The following KIF6 variants were observed in gnomAD, a reference collection of about 807,000 sequenced individuals.
KIF6 encodes the protein kinesin-like protein KIF6.
Under a neutral mutation model 112.7 loss-of-function variants are expected in KIF6, and 106 were observed. That is an observed-to-expected ratio of 0.94 (90% CI 0.80 to 1.11). The LOEUF (loss-of-function observed/expected upper bound fraction) is 1.11. KIF6 is among the 50% of genes least tolerant of loss of function. The pLI, the probability that KIF6 is intolerant of heterozygous loss-of-function variation, is 0.00. For missense variants in KIF6, 929 were observed against 964.0 expected, an observed-to-expected ratio of 0.96 and a Z score of 0.48; for synonymous variants, 339 against 339.9, an observed-to-expected ratio of 1.00 and a Z score of 0.03.
At chr6:39,421,153 G>C (rs749508098) in intron 14 of KIF6, among the ~76,000 whole-genome samples, 1 of 152,242 alleles carries the variant, frequency 6.6e-6, no homozygotes, top group South Asian at 2.1e-4. Flanking sequence ...CCTTGGCGGG[G>C]CTAGTCATGC....
chr6:39,523,631 C>T (rs1213247358), intron 13 of KIF6, among the ~76,000 whole-genome samples: 3 of 122,512 alleles, frequency 2.4e-5, no homozygotes, highest in Non-Finnish European at 5.0e-5. Context: ...ACTTCCCTCC[C>T]CTATTAATTC....
At chr6:39,570,259 A>T (rs968474668) in intron 10 of KIF6, among the ~76,000 whole-genome samples, 2 of 152,234 alleles carry the variant, frequency 1.3e-5, no homozygotes, top group Non-Finnish European at 2.9e-5. Flanking sequence ...GCAACAGTAC[A>T]GCTTGGAGAG....
intron 13 of KIF6, among the ~76,000 whole-genome samples, chr6:39,526,886 G>C (rs1777769918): frequency 6.6e-6 from 1 of 152,160 alleles, no homozygotes; most frequent in Admixed American, 6.5e-5. Context: ...ATGGATCATG[G>C]GTGATTTCAA....
chr6:39,440,161 T>G (rs1581861503), intron 13 of KIF6, among the ~76,000 whole-genome samples: 1 of 148,764 alleles, frequency 6.7e-6, no homozygotes. Flanking sequence ...GAGATGGGGG[T>G]TTGGAACACA....
At chr6:39,594,334 C>T (rs962244912) in intron 7 of KIF6, among the ~76,000 whole-genome samples, 1 of 152,134 alleles carries the variant, frequency 6.6e-6, no homozygotes, top group African/African-American at 2.4e-5. Flanking sequence ...TTAAAACAGA[C>T]AGTGCTACCA....
chr6:39,605,053 G>T (rs1782810203), intron 6 of KIF6, among the ~76,000 whole-genome samples: 1 of 152,048 alleles, frequency 6.6e-6, no homozygotes, highest in Non-Finnish European at 1.5e-5. Context: ...AATTTTGCCT[G>T]TATCTTTAAT....
At chr6:39,336,587 T>G (rs756712830) in intron 22 of KIF6, 39 bp from the exon 23 acceptor site, 8 of 1,606,654 alleles carry the variant, frequency 5.0e-6, no homozygotes, top group African/African-American at 4.0e-5. Flanking sequence ...AGGCTGTGCA[T>G]GCAGACACTG....
In KIF6 at chr6:39,357,296, G is replaced by A. The variant is rs149250289; in HGVS notation, c.2161C>T (p.Gln721Ter). The A allele has an allele frequency of 1.7e-5, 28 of 1,612,928 alleles. No individual in the cohort carries two copies. In the Middle Eastern group the frequency reaches 6.6e-4, roughly 38 times the overall value. Reference protein sequence around the residue: ...QTSDSQHEWSQLLSNKSSGGW... With the variant: ...QTSDSQHEWS ...CCTTACCTTTTGTTAGAGAGGAGTT[G>A]GGACCATTCATGCTGGGAGTCAGAT... Residue 721 changes from glutamine (Q) to a stop codon, truncating the protein, a stop_gained, in exon 19 of 23, where the codon CAA becomes TAA. Coordinates refer to ENST00000287152, the MANE Select transcript of KIF6 (RefSeq NM_145027.6). LOFTEE classifies it high-confidence loss of function.
intron 13 of KIF6, among the ~76,000 whole-genome samples, chr6:39,432,703 G>A (rs1411469338): frequency 3.3e-5 from 5 of 152,182 alleles, no homozygotes; most frequent in Admixed American, 3.3e-4. Flanking sequence ...GAGAGACATT[G>A]AGGGGCACGT....
chr6:39,444,445 T>C (rs1226458426), intron 13 of KIF6, among the ~76,000 whole-genome samples: 1 of 152,188 alleles, frequency 6.6e-6, no homozygotes, highest in Non-Finnish European at 1.5e-5. Context: ...TTTTTTTGTT[T>C]GTTTGTTTGT....
At chr6:39,362,071 C>T (rs770447032) in intron 17 of KIF6, among the ~76,000 whole-genome samples, 16 of 151,936 alleles carry the variant, frequency 1.1e-4, no homozygotes. Flanking sequence ...GTTTGGAGAC[C>T]CCAAATGCCT....
intron 13 of KIF6, among the ~76,000 whole-genome samples, chr6:39,479,312 T>C (rs1191325348): frequency 6.6e-6 from 1 of 152,202 alleles, no homozygotes; most frequent in Non-Finnish European, 1.5e-5. Flanking sequence ...TTCATTCTCC[T>C]ACACGTGGCT....
At chr6:39,551,908 A>G (rs918274916) in intron 10 of KIF6, among the ~76,000 whole-genome samples, 5 of 152,242 alleles carry the variant, frequency 3.3e-5, no homozygotes, top group African/African-American at 9.6e-5. Flanking sequence ...AGGAACGAAG[A>G]GAGAATACGC....
chr6:39,414,705 C>T (rs550997888), intron 15 of KIF6, among the ~76,000 whole-genome samples: 3 of 152,236 alleles, frequency 2.0e-5, no homozygotes, highest in South Asian at 2.1e-4. Context: ...TTAGGCATAT[C>T]GTGTAGGATA....
At chr6:39,362,593 A>G in intron 16 of KIF6, 75 bp from the exon 17 acceptor site, 3 of 1,135,676 alleles carry the variant, frequency 2.6e-6, no homozygotes, top group Non-Finnish European at 1.3e-6. Flanking sequence ...GGCAGATGAC[A>G]GAGTTCAAGG....
Position 39,588,307 on chromosome 6 carries a change from G to T in KIF6, c.847-1903C>A, listed in dbSNP as rs181855651. Among the ~76,000 whole-genome samples, 116 of 152,246 alleles carry T rather than the reference G, an allele frequency of 7.6e-4. No homozygotes were observed. The Middle Eastern group carries it at 0.01, about 13-fold the overall frequency. ...CAGCTCACTGTAGCCTTTGCCTCCT[G>T]GGTTCAAGTGAGCCTTGTGTCTCAG... On this transcript the variant is annotated intron_variant, in intron 7 of 22. Coordinates refer to ENST00000287152, the MANE Select transcript of KIF6 (RefSeq NM_145027.6).
At chr6:39,454,537 A>C (rs868580713) in intron 13 of KIF6, among the ~76,000 whole-genome samples, 2,689 of 151,224 alleles carry the variant, frequency 0.018, 28 homozygotes, top group South Asian at 0.048. Context: ...GCATCAAAAA[A>C]AAAAAAAAAA....
chr6:39,506,029 T>C (rs1219208413), intron 13 of KIF6, among the ~76,000 whole-genome samples: 1 of 152,210 alleles, frequency 6.6e-6, no homozygotes, highest in Admixed American at 6.5e-5. Context: ...ATATAAATCA[T>C]TATATTGTAA....
At chr6:39,633,925 G>A (rs1238021244) in intron 5 of KIF6, among the ~76,000 whole-genome samples, 1 of 152,140 alleles carries the variant, frequency 6.6e-6, no homozygotes, top group Non-Finnish European at 1.5e-5. Flanking sequence ...CATGACAACA[G>A]ATCCCATTAA....
Sources: gnomAD v4.1 joint callset for allele counts (sites outside exome capture counted in the v4.1 genomes callset) on GRCh38, gnomAD v4.1.1 for gene constraint, MANE v1.5 for transcripts, NCBI Gene and HGNC (gene_info 2026-07-23, HGNC 2026-07-21) for gene names.